Variants in SNX29 observed in about 807,000 individuals in gnomAD.
SNX29 encodes sorting nexin-29.
Under a neutral mutation model 102.1 loss-of-function variants are expected in SNX29, and 78 were observed. That is an observed-to-expected ratio of 0.76 (90% confidence interval 0.64 to 0.92). The LOEUF (loss-of-function observed/expected upper bound fraction) is 0.92, where lower values mean the gene tolerates loss of function less well. Ranked by LOEUF, SNX29 falls within the 40% of genes least tolerant of loss-of-function variation. The pLI, the probability that SNX29 is intolerant of heterozygous loss-of-function variation, is 0.00. For missense variants in SNX29, 1,280 were observed against 1,061.7 expected (o/e 1.21, Z -2.86); for synonymous variants, 580 against 414.5 (o/e 1.40, Z -4.85).
chr16:12,491,755 C>T lies in SNX29; in HGVS notation c.2178+13896C>T, dbSNP rs1004309614. On this transcript the variant is annotated intron_variant, in intron 19 of 20. Transcript: ENST00000566228. ...CCATGTGTTCTCATTGTTCAATTCC[C>T]ACCTATAAGTGAGAACATGCGGTGT... Among the ~76,000 whole-genome samples the T allele has an allele frequency of 3.9e-4, 59 of 152,208 alleles. No homozygotes were observed. The East Asian group carries it at 7.9e-3, about 20-fold the overall frequency.
chr16:12,097,148 T>C (rs1446628562), intron 11 of SNX29, among the ~76,000 whole-genome samples: 1 of 152,234 alleles, frequency 6.6e-6, no homozygotes, highest in Non-Finnish European at 1.5e-5. Flanking sequence ...GCATTGGTGA[T>C]GGTGCTGCCG....
At chr16:12,239,816 T>C (rs1323945251) in intron 14 of SNX29, among the ~76,000 whole-genome samples, 2 of 110,292 alleles carry the variant, frequency 1.8e-5, no homozygotes, top group Admixed American at 1.9e-4. Flanking sequence ...TGACACCCTG[T>C]CTCAAAAAAA....
intron 20 of SNX29, among the ~76,000 whole-genome samples, chr16:12,544,167 T>C (rs2077476886): frequency 6.6e-6 from 1 of 152,170 alleles, no homozygotes; most frequent in Admixed American, 6.5e-5. Flanking sequence ...GAACACGGGA[T>C]GGGAATCGGT....
At chr16:12,190,269 C>T (rs750697430) in intron 13 of SNX29, among the ~76,000 whole-genome samples, 3 of 151,626 alleles carry the variant, frequency 2.0e-5, no homozygotes, top group South Asian at 2.1e-4. Context: ...TGACCTTGGC[C>T]GGTCACTGAC....
At chr16:12,454,501 TA>T (rs1479337669) in intron 18 of SNX29, among the ~76,000 whole-genome samples, 1 of 152,176 alleles carries the variant, frequency 6.6e-6, no homozygotes, top group African/African-American at 2.4e-5. Flanking sequence ...TTTAGGGACT[TA>T]TAGTCAACAG....
In SNX29 at chr16:12,499,102, C is replaced by T. The variant is rs79767551; in HGVS notation, c.2178+21243C>T. Among the ~76,000 whole-genome samples the T allele has an allele frequency of 5.7e-3, 870 of 152,260 alleles. 10 individuals carry two copies. The highest frequency in any genetic ancestry group is 0.02 in the African/African-American group (815 of 41,556). ...TTCCCCTTATGCCCTCCGCTCATTC[C>T]CTCCTCCTGCAGTGGGAAATCGCAG... On this transcript the variant is annotated intron_variant, in intron 19 of 20. Transcript: ENST00000566228.
chr16:12,544,063 T>G (rs554766731), intron 20 of SNX29, among the ~76,000 whole-genome samples: 28 of 152,216 alleles, frequency 1.8e-4, no homozygotes, highest in African/African-American at 6.3e-4. Context: ...AGGAATCACA[T>G]TGGTAGGGGT....
chr16:12,457,601 C>G (rs2086596267), intron 18 of SNX29, among the ~76,000 whole-genome samples: 1 of 152,256 alleles, frequency 6.6e-6, no homozygotes, highest in Admixed American at 6.5e-5. Flanking sequence ...GTCTCCACCA[C>G]TCACTCTGGG....
At chr16:12,365,358 G>GTGTGTGTGTGTGTGTGTA (rs1485263456) in intron 16 of SNX29, among the ~76,000 whole-genome samples, 1,887 of 150,400 alleles carry the variant, frequency 0.013, 10 homozygotes, top group Non-Finnish European at 0.016. Flanking sequence ...GTGTGTGTGT[G>GTGTGTGTGTGTGTGTGTA]TGTGTGTTTA....
intron 14 of SNX29, among the ~76,000 whole-genome samples, chr16:12,268,224 T>C (rs1470178580): frequency 6.6e-6 from 1 of 152,260 alleles, no homozygotes; most frequent in Non-Finnish European, 1.5e-5. Context: ...CTTGGGTCTC[T>C]GAGTCTCCTC....
intron 10 of SNX29, among the ~76,000 whole-genome samples, chr16:12,076,015 C>A (rs57878638): frequency 6.6e-6 from 1 of 152,068 alleles, no homozygotes; most frequent in Non-Finnish European, 1.5e-5. Flanking sequence ...CTAAGCCCTT[C>A]GGAAAAGCGC....
At chr16:12,413,024 T>C (rs1455030374) in intron 18 of SNX29, among the ~76,000 whole-genome samples, 2 of 152,162 alleles carry the variant, frequency 1.3e-5, no homozygotes, top group African/African-American at 4.8e-5. Flanking sequence ...AGGCAAGGGC[T>C]GGGGAGGTTA....
Position 12,062,352 on chromosome 16 carries a change from C to T in SNX29, c.1243+706C>T, listed in dbSNP as rs2050810645. On this transcript the variant is annotated intron_variant, in intron 9 of 20. Coordinates refer to ENST00000566228, the MANE Select transcript of SNX29 (RefSeq NM_032167.5). ...CGATATCGTGGCACTGTACACCACC[C>T]TGTGTGACAGTGAGACTCTGTCTCA... 4.6e-5 allele frequency among the ~76,000 whole-genome samples: 7 copies of T among 150,914 alleles called. No homozygotes were observed. In the Admixed American group the frequency reaches 4.7e-4, roughly 10 times the overall value.
intron 1 of SNX29, among the ~76,000 whole-genome samples, chr16:11,987,136 C>G (rs1003237727): frequency 6.6e-6 from 1 of 152,004 alleles, no homozygotes; most frequent in Non-Finnish European, 1.5e-5. Context: ...GCAGTCATAG[C>G]TCACTGCAGC....
At chr16:12,560,121 G>C (rs993121785) in intron 20 of SNX29, among the ~76,000 whole-genome samples, 2 of 148,086 alleles carry the variant, frequency 1.4e-5, no homozygotes, top group South Asian at 2.3e-4. Flanking sequence ...AGCTATTCTA[G>C]TTCTGTGTTC....
At chr16:12,095,493 C>T in intron 11 of SNX29, among the ~76,000 whole-genome samples, 1 of 152,150 alleles carries the variant, frequency 6.6e-6, no homozygotes, top group Admixed American at 6.6e-5. Context: ...GTGTTGAGAG[C>T]AGTGGTCTTT....
At chr16:12,245,690 C>G (rs2078240433) in intron 14 of SNX29, among the ~76,000 whole-genome samples, 2 of 152,104 alleles carry the variant, frequency 1.3e-5, no homozygotes, top group African/African-American at 4.8e-5. Flanking sequence ...AGGCCTTGGT[C>G]AGTGAATTCT....
intron 19 of SNX29, among the ~76,000 whole-genome samples, chr16:12,481,555 C>CACA (rs1597548334): frequency 3.7e-5 from 5 of 133,518 alleles, no homozygotes; most frequent in South Asian, 4.7e-4. Context: ...CACACACACA[C>CACA]CCCAAATGTC....
intron 18 of SNX29, among the ~76,000 whole-genome samples, chr16:12,452,300 C>G (rs2086336887): frequency 2.8e-5 from 1 of 35,808 alleles, no homozygotes; most frequent in African/African-American, 2.8e-4. Context: ...GTGGCTGCTA[C>G]TGGCATCTCA....
Sources: gnomAD v4.1 joint callset for allele counts (sites outside exome capture counted in the v4.1 genomes callset) on GRCh38, gnomAD v4.1.1 for gene constraint, MANE v1.5 for transcripts, NCBI Gene and HGNC (gene_info 2026-07-23, HGNC 2026-07-21) for gene names.